FAF1: variants seen among roughly 807,000 people sequenced by gnomAD.
The protein encoded by FAF1 is FAS-associated factor 1.
Under a neutral mutation model 92.5 loss-of-function variants are expected in FAF1, and 25 were observed. That is an observed-to-expected ratio of 0.27 (90% CI 0.20 to 0.38). The LOEUF (loss-of-function observed/expected upper bound fraction) is 0.38, where lower values mean the gene tolerates loss of function less well. Among genes scored for constraint, FAF1 ranks in the 10% least tolerant of loss-of-function variants. FAF1 has a pLI of 1.00. For synonymous variants in FAF1, 234 were observed against 273.2 expected, an observed-to-expected ratio of 0.86 and a Z score of 1.42; for missense variants, 636 against 793.3, an observed-to-expected ratio of 0.80 and a Z score of 2.38.
intron 1 of FAF1, among the ~76,000 whole-genome samples, chr1:50,917,955 C>T (rs1263401826): frequency 5.3e-5 from 8 of 152,206 alleles, no homozygotes; most frequent in Non-Finnish European, 5.9e-5. Context: ...AACAGGCAAA[C>T]GTAATCTACA....
intron 15 of FAF1, among the ~76,000 whole-genome samples, chr1:50,531,648 C>G (rs1313997445): frequency 6.6e-6 from 1 of 152,088 alleles, no homozygotes; most frequent in Non-Finnish European, 1.5e-5. Context: ...TAAACCTTTA[C>G]AAAACCAAAT....
chr1:50,956,076 T>C (rs1043612256), intron 1 of FAF1, among the ~76,000 whole-genome samples: 20 of 152,164 alleles, frequency 1.3e-4, no homozygotes, highest in Admixed American at 1.2e-3. Context: ...GCAGTGATAG[T>C]AACAAAGCAA....
At chr1:50,786,171 G>A (rs1018088675) in intron 4 of FAF1, among the ~76,000 whole-genome samples, 18 of 151,372 alleles carry the variant, frequency 1.2e-4, no homozygotes, top group African/African-American at 3.2e-4. Context: ...TCATTGCAGC[G>A]TTATTCACAA....
chr1:50,734,798 C>T (rs558414865), intron 6 of FAF1, among the ~76,000 whole-genome samples: 2 of 151,370 alleles, frequency 1.3e-5, no homozygotes, highest in South Asian at 2.1e-4. Flanking sequence ...TTTTGAATTA[C>T]AGATAGGACA....
intron 1 of FAF1, among the ~76,000 whole-genome samples, chr1:50,877,755 A>G (rs925632098): frequency 1.3e-5 from 2 of 152,106 alleles, no homozygotes; most frequent in East Asian, 1.9e-4. Flanking sequence ...TTCTCCCTTC[A>G]GTTTACTGCT....
chr1:50,825,438 A>T (rs1644087591), intron 2 of FAF1, among the ~76,000 whole-genome samples: 1 of 152,048 alleles, frequency 6.6e-6, no homozygotes, highest in African/African-American at 2.4e-5. Context: ...CTTTTAAGGC[A>T]AGAGGGAGGT....
intron 1 of FAF1, among the ~76,000 whole-genome samples, chr1:50,859,410 T>C (rs1016578947): frequency 6.6e-6 from 1 of 151,862 alleles, no homozygotes; most frequent in Non-Finnish European, 1.5e-5. Flanking sequence ...TCAGTAAAGT[T>C]TCAAGACACA....
At chr1:50,715,876 C>T (rs931323600) in intron 6 of FAF1, among the ~76,000 whole-genome samples, 1 of 152,122 alleles carries the variant, frequency 6.6e-6, no homozygotes, top group African/African-American at 2.4e-5. Context: ...AAATTTGAAG[C>T]TCTAGCACAG....
intron 15 of FAF1, among the ~76,000 whole-genome samples, chr1:50,503,221 T>C (rs1647013859): frequency 1.3e-5 from 2 of 152,140 alleles, no homozygotes; most frequent in Middle Eastern, 3.2e-3. Flanking sequence ...AATTGCTAAA[T>C]GGTAGTTGTG....
intron 1 of FAF1, among the ~76,000 whole-genome samples, chr1:50,920,591 G>A (rs780250536): frequency 1.5e-4 from 23 of 152,278 alleles, no homozygotes; most frequent in Middle Eastern, 3.4e-3. Flanking sequence ...GACCAACTGA[G>A]GTTGCTCCCA....
chr1:50,944,243 G>A (rs1339301264), intron 1 of FAF1, among the ~76,000 whole-genome samples: 2 of 152,168 alleles, frequency 1.3e-5, no homozygotes, highest in African/African-American at 4.8e-5. Flanking sequence ...GAGCCATGGG[G>A]GATGGCAGAC....
chr1:50,707,360 T>C lies in FAF1; in HGVS notation c.552-1469A>G, dbSNP rs187934351. ...AAAAGAAAATCACACCCAACTAAAA[T>C]AGAATTTCTTGAAGCAAGGACCTTT... On this transcript the variant is annotated intron_variant, in intron 6 of 18. Coordinates refer to ENST00000396153, the MANE Select transcript of FAF1 (RefSeq NM_007051.3). 2.3e-3 allele frequency among the ~76,000 whole-genome samples: 355 copies of C among 152,064 alleles called. 1 individual carries two copies. The highest frequency in any genetic ancestry group is 8.3e-3 in the African/African-American group (346 of 41,466).
In FAF1 at chr1:50,440,233, G is replaced by C. The variant is rs567435922; in HGVS notation, c.*1207C>G. 6.6e-6 allele frequency: 1 copy of C among 152,074 alleles called. No individual in the cohort carries two copies. Among genetic ancestry groups the C allele is most frequent in the African/African-American group, 2.4e-5 (1 of 41,396 alleles). The allele number at this position is 152,074 out of a possible 1,614,324, so 9.4% of individuals were successfully genotyped here. On this transcript the variant is annotated 3_prime_UTR_variant, in exon 19 of 19. Transcript: ENST00000396153. The stretch of plus-strand genomic sequence containing the variant: ...AATCATTGGCTGTGAAGGTATAAAC[G>C]GTGTTCTCATGATCTAAACCCCAAA...
At chr1:50,757,549 C>T (rs1429559195) in intron 4 of FAF1, among the ~76,000 whole-genome samples, 1 of 152,134 alleles carries the variant, frequency 6.6e-6, no homozygotes, top group Admixed American at 6.5e-5. Context: ...CTAGCTCATC[C>T]CATACTAACA....
chr1:50,915,834 T>G (rs1225181858), intron 1 of FAF1, among the ~76,000 whole-genome samples: 1 of 152,134 alleles, frequency 6.6e-6, no homozygotes, highest in African/African-American at 2.4e-5. Flanking sequence ...AAGTCAGCAT[T>G]CTGAAAGGTG....
chr1:50,954,534 A>T (rs909608089), intron 1 of FAF1, among the ~76,000 whole-genome samples: 19 of 123,354 alleles, frequency 1.5e-4, no homozygotes, highest in South Asian at 1.3e-3. Context: ...AAAATAAAAA[A>T]TTTTGATTTT....
intron 16 of FAF1, 34 bp from the exon 17 acceptor site, chr1:50,490,699 A>G (rs1646828852): frequency 8.1e-7 from 1 of 1,230,102 alleles, no homozygotes; most frequent in African/African-American, 1.5e-5. Flanking sequence ...CAAGCACTTA[A>G]CACATACTTG....
chr1:50,651,895 T>C (rs1466968206), intron 8 of FAF1, among the ~76,000 whole-genome samples: 1 of 152,222 alleles, frequency 6.6e-6, no homozygotes. Context: ...TTTTACGACA[T>C]ATTATTTGGC....
At chr1:50,867,571 A>AT (rs1424982791) in intron 1 of FAF1, among the ~76,000 whole-genome samples, 1 of 152,202 alleles carries the variant, frequency 6.6e-6, no homozygotes, top group Non-Finnish European at 1.5e-5. Flanking sequence ...GCAAAAAAAA[A>AT]TGAAAAAATG....
Sources: gnomAD v4.1 joint callset for allele counts (sites outside exome capture counted in the v4.1 genomes callset) on GRCh38, gnomAD v4.1.1 for gene constraint, MANE v1.5 for transcripts, NCBI Gene and HGNC (gene_info 2026-07-23, HGNC 2026-07-21) for gene names.